Variants in CAMK1D observed in about 807,000 individuals in gnomAD.
The protein encoded by CAMK1D is calcium/calmodulin-dependent protein kinase type 1D.
Under a neutral mutation model 47.7 loss-of-function variants are expected in CAMK1D, and 9 were observed. That is an observed-to-expected ratio of 0.19 (90% confidence interval 0.11 to 0.33). The LOEUF is 0.33. CAMK1D is among the 10% of genes least tolerant of loss of function. CAMK1D has a pLI of 1.00. For missense variants in CAMK1D, 291 were observed against 488.7 expected (o/e 0.60, Z 3.81); for synonymous variants, 184 against 184.9 (o/e 0.99, Z 0.04).
chr10:12,616,081 T>G (rs1838803322), intron 2 of CAMK1D, among the ~76,000 whole-genome samples: 1 of 151,604 alleles, frequency 6.6e-6, no homozygotes, highest in Non-Finnish European at 1.5e-5. Flanking sequence ...TTTGTGCGTG[T>G]ATTGGTGTGT....
chr10:12,766,452 A>C (rs1405666399), intron 4 of CAMK1D, among the ~76,000 whole-genome samples: 3 of 142,432 alleles, frequency 2.1e-5, no homozygotes, highest in Non-Finnish European at 4.5e-5. Flanking sequence ...GAAAAGGGAG[A>C]TGGAGCCTCC....
intron 5 of CAMK1D, among the ~76,000 whole-genome samples, chr10:12,785,039 C>G (rs187446630): frequency 0.041 from 6,193 of 152,212 alleles, 346 homozygotes; most frequent in African/African-American, 0.13. Context: ...GGAACCCAAC[C>G]GTTGTGCCCA....
chr10:12,580,538 C>G (rs75676665), intron 2 of CAMK1D, among the ~76,000 whole-genome samples: 3,369 of 152,168 alleles, frequency 0.022, 117 homozygotes, highest in East Asian at 0.078. Context: ...AACTCTTACT[C>G]TTCAAACAGG....
intron 1 of CAMK1D, among the ~76,000 whole-genome samples, chr10:12,491,811 A>AGGCTG (rs1834392695): frequency 1.3e-5 from 2 of 152,136 alleles, no homozygotes; most frequent in Non-Finnish European, 2.9e-5. Flanking sequence ...TTTTTGAGAC[A>AGGCTG]GAGTCTCACA....
At chr10:12,540,196 T>G (rs1836121912) in intron 1 of CAMK1D, among the ~76,000 whole-genome samples, 1 of 151,844 alleles carries the variant, frequency 6.6e-6, no homozygotes. Context: ...TCTCAAACTG[T>G]TGGGATTACA....
intron 1 of CAMK1D, among the ~76,000 whole-genome samples, chr10:12,460,300 G>A (rs12254017): frequency 0.14 from 19,408 of 140,574 alleles, 1,547 homozygotes; most frequent in Non-Finnish European, 0.2. Context: ...CCACTTTCTT[G>A]CCCAGTCTGG....
chr10:12,698,829 C>A (rs11257939), intron 3 of CAMK1D, among the ~76,000 whole-genome samples: 3 of 151,794 alleles, frequency 2.0e-5, no homozygotes, highest in African/African-American at 7.3e-5. Flanking sequence ...CGTGCCACCA[C>A]GCCCAGCTAA....
intron 3 of CAMK1D, among the ~76,000 whole-genome samples, chr10:12,695,946 C>T (rs1393054796): frequency 2.0e-5 from 3 of 151,782 alleles, no homozygotes; most frequent in Non-Finnish European, 4.4e-5. Context: ...GGCCTGGTGG[C>T]GGACGCCTGT....
rs557849792 is a variant in CAMK1D, at chr10:12,650,034, C to T, written c.225-16702C>T. On this transcript the variant is annotated intron_variant, in intron 2 of 10. Transcript: ENST00000619168. ...TAGTTTTTCTGGAGCTGAAGTTTTA[C>T]ACTTGGCATATTACTTTTTAGTTCC... Among the ~76,000 whole-genome samples, 9 of 152,332 alleles carry T rather than the reference C, an allele frequency of 5.9e-5. No individual in the cohort carries two copies. The East Asian group carries it at 1.7e-3, about 29-fold the overall frequency.
At chr10:12,491,421 G>A (rs1834379596) in intron 1 of CAMK1D, among the ~76,000 whole-genome samples, 1 of 152,074 alleles carries the variant, frequency 6.6e-6, no homozygotes. Flanking sequence ...TCATAGTCCA[G>A]GGTCATTCAA....
Position 12,466,425 on chromosome 10 carries a change from AT to A in CAMK1D, c.93-86795del, listed in dbSNP as rs138604202. 8.5e-3 allele frequency among the ~76,000 whole-genome samples: 1,294 copies of A among 151,878 alleles called. 17 individuals are homozygous for A. Among genetic ancestry groups the A allele is most frequent in the African/African-American group, 0.029 (1,198 of 41,424 alleles). On this transcript the variant is annotated intron_variant, in intron 1 of 10. Coordinates refer to ENST00000619168, the MANE Select transcript of CAMK1D (RefSeq NM_153498.4). ...TCTGTCTCAAAACAAACAAACAAAA[AT>A]TTTTAAAATTTAGCTGGGAGTGGTG...
intron 1 of CAMK1D, among the ~76,000 whole-genome samples, chr10:12,551,282 C>T (rs150450957): frequency 8.0e-4 from 122 of 152,216 alleles, no homozygotes; most frequent in Middle Eastern, 6.8e-3. Flanking sequence ...ACTGTGCACG[C>T]GAGGGATCTA....
At chr10:12,521,935 C>T (rs943689010) in intron 1 of CAMK1D, among the ~76,000 whole-genome samples, 1 of 151,886 alleles carries the variant, frequency 6.6e-6, no homozygotes, top group Non-Finnish European at 1.5e-5. Flanking sequence ...CTTCTCCCAT[C>T]CTTTTAACTG....
intron 2 of CAMK1D, among the ~76,000 whole-genome samples, chr10:12,591,077 T>C (rs1164165556): frequency 6.6e-6 from 1 of 152,216 alleles, no homozygotes; most frequent in Non-Finnish European, 1.5e-5. Flanking sequence ...CTCTGTCTGC[T>C]TTCTAAAATT....
chr10:12,752,621 A>G (rs1369440126), intron 3 of CAMK1D, among the ~76,000 whole-genome samples: 2 of 152,106 alleles, frequency 1.3e-5, no homozygotes, highest in African/African-American at 2.4e-5. Context: ...CACATAATAA[A>G]CTCCCATTAA....
At chr10:12,570,207 G>GTA (rs200602286) in intron 2 of CAMK1D, among the ~76,000 whole-genome samples, 1,558 of 151,564 alleles carry the variant, frequency 0.01, 16 homozygotes, top group African/African-American at 0.035. Flanking sequence ...CTCAAAAAAA[G>GTA]TATATATATA....
At chr10:12,628,485 A>C (rs1839287516) in intron 2 of CAMK1D, among the ~76,000 whole-genome samples, 1 of 152,188 alleles carries the variant, frequency 6.6e-6, no homozygotes, top group Non-Finnish European at 1.5e-5. Context: ...TGGAAAGTAC[A>C]GGGAGTTCTC....
At chr10:12,624,085 CA>C (rs1320166839) in intron 2 of CAMK1D, among the ~76,000 whole-genome samples, 1 of 151,710 alleles carries the variant, frequency 6.6e-6, no homozygotes, top group Non-Finnish European at 1.5e-5. Flanking sequence ...TCTCAAAAAG[CA>C]AAACAAAACA....
intron 2 of CAMK1D, among the ~76,000 whole-genome samples, chr10:12,584,914 G>T (rs76647777): frequency 1.5e-4 from 23 of 152,214 alleles, no homozygotes; most frequent in Non-Finnish European, 3.2e-4. Context: ...ATATCACATT[G>T]CTTCCTAATA....
Sources: gnomAD v4.1 joint callset for allele counts (sites outside exome capture counted in the v4.1 genomes callset) on GRCh38, gnomAD v4.1.1 for gene constraint, MANE v1.5 for transcripts, NCBI Gene and HGNC (gene_info 2026-07-23, HGNC 2026-07-21) for gene names.